Variants in DYNC2H1 observed in about 807,000 individuals in gnomAD.
The protein encoded by DYNC2H1 is cytoplasmic dynein 2 heavy chain 1.
In DYNC2H1, 410 loss-of-function variants were observed where a neutral mutation model predicts 570.0. That is an observed-to-expected ratio of 0.72 (90% confidence interval 0.66 to 0.78). The LOEUF is 0.78. Ranked by LOEUF, DYNC2H1 falls within the 30% of genes least tolerant of loss-of-function variation. DYNC2H1 has a pLI of 0.00. For missense variants in DYNC2H1, 4,865 were observed against 5,046.4 expected, an observed-to-expected ratio of 0.96 and a Z score of 1.09; for synonymous variants, 1,688 against 1,677.6, an observed-to-expected ratio of 1.01 and a Z score of -0.15.
At chr11:103,423,408 T>TAAAAAAAAAAAAAAA (rs60223334) in intron 84 of DYNC2H1, among the ~76,000 whole-genome samples, 1 of 120,430 alleles carries the variant, frequency 8.3e-6, no homozygotes, top group African/African-American at 2.7e-5. Context: ...GCCAAAAAAG[T>TAAAAAAAAAAAAAAA]AAAAAAAAAA....
At chr11:103,297,047 C>T (rs1323863621) in intron 75 of DYNC2H1, among the ~76,000 whole-genome samples, 1 of 151,992 alleles carries the variant, frequency 6.6e-6, no homozygotes, top group East Asian at 1.9e-4. Flanking sequence ...ATTACACATT[C>T]TCTCTGTAGG....
chr11:103,438,634 A>C (rs957961515), intron 85 of DYNC2H1, among the ~76,000 whole-genome samples: 1 of 152,130 alleles, frequency 6.6e-6, no homozygotes, highest in African/African-American at 2.4e-5. Flanking sequence ...ATATCATGCC[A>C]GTTTATTACA....
chr11:103,342,305 A>AGCACCCTGTAAAATGGACCAATCG (rs1939488444), intron 82 of DYNC2H1, among the ~76,000 whole-genome samples: 1 of 151,828 alleles, frequency 6.6e-6, no homozygotes, highest in Admixed American at 6.6e-5. Flanking sequence ...TGGACCAATC[A>AGCACCCTGTAAAATGGACCAATCG]GCACCCTATA....
intron 88 of DYNC2H1, among the ~76,000 whole-genome samples, chr11:103,477,266 G>A (rs936018662): frequency 7.9e-5 from 12 of 152,294 alleles, no homozygotes; most frequent in African/African-American, 2.9e-4. Context: ...TAGTATCTGT[G>A]ACAACTTTGC....
At chr11:103,212,100 C>T (rs1863179604) in intron 54 of DYNC2H1, among the ~76,000 whole-genome samples, 157 bp downstream of exon 54, 1 of 151,770 alleles carries the variant, frequency 6.6e-6, no homozygotes, top group East Asian at 1.9e-4. Flanking sequence ...CCTATATTGC[C>T]CTGTAGGTTT....
At chr11:103,359,414 TC>T (rs1345358785) in intron 83 of DYNC2H1, among the ~76,000 whole-genome samples, 1 of 152,204 alleles carries the variant, frequency 6.6e-6, no homozygotes. Context: ...CATTTAGACT[TC>T]CTTGCACTAA....
chr11:103,475,132 G>C (rs1945512152), intron 88 of DYNC2H1, among the ~76,000 whole-genome samples: 1 of 152,042 alleles, frequency 6.6e-6, no homozygotes, highest in African/African-American at 2.4e-5. Flanking sequence ...CCTCATTATT[G>C]AACAGAACTG....
intron 82 of DYNC2H1, among the ~76,000 whole-genome samples, chr11:103,342,929 A>G (rs61896778): frequency 0.15 from 22,632 of 152,052 alleles, 1,833 homozygotes; most frequent in Admixed American, 0.25. Flanking sequence ...GGTGAGTACT[A>G]TGGGACCCCT....
At chr11:103,146,867 G>A (rs1331520330) in intron 18 of DYNC2H1, among the ~76,000 whole-genome samples, 4 of 152,114 alleles carry the variant, frequency 2.6e-5, no homozygotes, top group Non-Finnish European at 4.4e-5. Context: ...GCCTCCCAAA[G>A]TGCTAGGATT....
In DYNC2H1 at chr11:103,456,310, T is replaced by A; in HGVS notation, c.12602T>A (p.Val4201Glu). The A allele has an allele frequency of 6.2e-7, 1 of 1,609,616 alleles. No individual in the cohort carries two copies. The highest frequency in any genetic ancestry group is 8.5e-7 in the Non-Finnish European group (1 of 1,177,658). Residue 4201 changes from valine (V) to glutamate (E), a missense_variant, in exon 87 of 89, where the codon GTA becomes GAA. This residue lies in a region of DYNC2H1 where 2,401 missense variants were observed against 2,454.6 expected (regional missense o/e 0.98). Transcript: ENST00000375735. ...VGRSVDSLKF[V>E]ASWKGRLQEA... ...CGTTCTGTGGATAGCCTTAAATTTGTAGCCTCATGGAAAGGTCGACTGCAA... is the reference window on the plus strand; with the variant it reads ...CGTTCTGTGGATAGCCTTAAATTTGAAGCCTCATGGAAAGGTCGACTGCAA...
chr11:103,267,175 C>G (rs1423694473), intron 70 of DYNC2H1, among the ~76,000 whole-genome samples: 3 of 151,992 alleles, frequency 2.0e-5, no homozygotes, highest in Non-Finnish European at 4.4e-5. Context: ...GTCCCCAGAG[C>G]CACTGAGGGC....
Position 103,323,913 on chromosome 11 carries a change from C to A in DYNC2H1, c.11962C>A (p.Pro3988Thr). 1 of 1,612,344 alleles carries A rather than the reference C, an allele frequency of 6.2e-7. No individual in the cohort carries two copies. Among genetic ancestry groups the A allele is most frequent in the Non-Finnish European group, 8.5e-7 (1 of 1,178,938 alleles). Reference sequence around the variant, plus strand: ...CTATCGTGCTGTCATTGAGAAAATTCCAGAGGACGACAAACCTAGTTTCTT... The same window carrying A: ...CTATCGTGCTGTCATTGAGAAAATTACAGAGGACGACAAACCTAGTTTCTT... ...LDYRAVIEKI[P>T]EDDKPSFFGL... is the part of the protein sequence containing the mutation. The change falls in exon 82 of 89, where the codon CCA becomes ACA. Residue 3988 changes from proline to threonine, a missense_variant. By Grantham distance (38) the Pro-to-Thr change is conservative (BLOSUM62 -1). Coordinates refer to ENST00000375735, the MANE Select transcript of DYNC2H1 (RefSeq NM_001377.3).
chr11:103,297,862 A>G (rs1591540848), intron 75 of DYNC2H1, among the ~76,000 whole-genome samples: 2 of 152,208 alleles, frequency 1.3e-5, no homozygotes, highest in East Asian at 3.9e-4. Flanking sequence ...AATTACTGCC[A>G]TACCTTTTAT....
rs542595053 is a variant in DYNC2H1 at position 103,451,487 on chromosome 11, C to G, written c.12457-3699C>G. Among the ~76,000 whole-genome samples, 3 of 152,098 alleles carry G rather than the reference C, an allele frequency of 2.0e-5. No individual in the cohort carries two copies. The East Asian group carries it at 5.8e-4, about 29-fold the overall frequency. ...AGCTGGGGCTACAGGCGCGTGCCAC[C>G]ACGCCTGGCTAATTTTTGTATTTTT... On this transcript the variant is annotated intron_variant, in intron 85 of 88. Coordinates refer to ENST00000375735, the MANE Select transcript of DYNC2H1 (RefSeq NM_001377.3).
chr11:103,240,873 G>A (rs1864400072), intron 63 of DYNC2H1, among the ~76,000 whole-genome samples: 1 of 152,102 alleles, frequency 6.6e-6, no homozygotes, highest in Non-Finnish European at 1.5e-5. Flanking sequence ...ATAAAAAGCT[G>A]ATCATGATCA....
intron 9 of DYNC2H1, 67 bp downstream of exon 9, chr11:103,121,103 T>G: frequency 9.6e-7 from 1 of 1,042,670 alleles, no homozygotes; most frequent in Non-Finnish European, 1.3e-6. Context: ...TTTTCTTCGT[T>G]GCATACCATT....
intron 82 of DYNC2H1, among the ~76,000 whole-genome samples, chr11:103,339,866 C>G (rs11225729): frequency 0.22 from 33,023 of 152,174 alleles, 3,723 homozygotes; most frequent in Admixed American, 0.31. Flanking sequence ...TTTCCCTCTG[C>G]CCCAGGGATG....
intron 83 of DYNC2H1, among the ~76,000 whole-genome samples, chr11:103,375,993 C>T (rs75097524): frequency 0.025 from 3,817 of 152,220 alleles, 79 homozygotes; most frequent in Middle Eastern, 0.068. Flanking sequence ...ATAATCCCCA[C>T]CTGTTATTTG....
intron 83 of DYNC2H1, among the ~76,000 whole-genome samples, chr11:103,358,935 G>GA (rs1940498664): frequency 6.6e-6 from 1 of 152,142 alleles, no homozygotes; most frequent in Non-Finnish European, 1.5e-5. Context: ...TTACTAAACA[G>GA]AAAACCAATG....
Sources: gnomAD v4.1 joint callset for allele counts (sites outside exome capture counted in the v4.1 genomes callset) on GRCh38, gnomAD v4.1.1 for gene constraint, gnomAD v4.1.1 regional missense constraint, MANE v1.5 for transcripts, NCBI Gene and HGNC (gene_info 2026-07-23, HGNC 2026-07-21) for gene names.